RPUSD2: variants seen among roughly 807,000 people sequenced by gnomAD.
The protein encoded by RPUSD2 is RNA pseudouridine synthase domain containing 2, also known as pseudouridylate synthase RPUSD2.
RPUSD2 carries 31 observed loss-of-function variants against 41.5 expected under a neutral mutation model. The observed-to-expected ratio is 0.75, with a 90% CI of 0.56 to 1.01. The LOEUF is 1.01. Ranked by LOEUF, RPUSD2 falls within the 50% of genes least tolerant of loss-of-function variation. RPUSD2 has a pLI of 0.00. For missense variants in RPUSD2, 749 were observed against 724.7 expected, an observed-to-expected ratio of 1.03 and a Z score of -0.38; for synonymous variants, 305 against 289.7, an observed-to-expected ratio of 1.05 and a Z score of -0.54.
At position 40,573,840 on chromosome 15, in the gene RPUSD2, A is replaced by G; in HGVS notation, c.1217A>G (p.Lys406Arg). The G allele has an allele frequency of 6.2e-7, 1 of 1,614,164 alleles. No individual in the cohort carries two copies. Residue 406 changes from lysine (K) to arginine (R), a missense_variant, in exon 3 of 3, where the codon AAG becomes AGG. Physicochemically the swap from Lys to Arg is conservative, Grantham distance 26. Transcript: ENST00000315616. ...CGAGGCCGGGGCGGCTACATTCCCA[A>G]GACAAACGAGGAGTTGCTACGGGAC... ...PSRGRGGYIP[K>R]TNEELLRDLV...
chr15:40,572,695 G>A (rs573744755), intron 2 of RPUSD2, among the ~76,000 whole-genome samples: 63 of 152,142 alleles, frequency 4.1e-4, no homozygotes, highest in Middle Eastern at 6.3e-3. Flanking sequence ...GCATGTCACT[G>A]CGTTCCAGCC....
At chr15:40,571,984 T>C (rs988100405) in intron 2 of RPUSD2, 84 bp downstream of exon 2, 11 of 1,396,248 alleles carry the variant, frequency 7.9e-6, no homozygotes, top group Non-Finnish European at 1.1e-5. Flanking sequence ...AGTTCCGAAG[T>C]GGTCCTTCAT....
Position 40,569,500 on chromosome 15 carries a change from CA to C in RPUSD2, c.167del (p.Asn56ThrfsTer29). On this transcript the variant is annotated frameshift_variant, in exon 1 of 3. Transcript: ENST00000315616. LOFTEE classifies it high-confidence loss of function. ...TEGGLRASHQ[Q>X]NGDAGGDAKV... ...GGGCGGGCTGAGGGCTTCGCATCAGCAAAACGGTGACGCTGGTGGCGACGCG... is the reference window on the plus strand; with the variant it reads ...GGGCGGGCTGAGGGCTTCGCATCAGCAAACGGTGACGCTGGTGGCGACGCG... 1.3e-6 allele frequency: 2 copies of C among 1,553,712 alleles called. No individual in the cohort carries two copies. The highest frequency in any genetic ancestry group is 1.7e-6 in the Non-Finnish European group (2 of 1,155,168).
intron 1 of RPUSD2, 86 bp from the exon 2 acceptor site, chr15:40,571,518 A>T: frequency 2.4e-6 from 3 of 1,245,092 alleles, no homozygotes. Flanking sequence ...TTTCCATGTC[A>T]GTGAGGAACA....
chr15:40,569,622 C>T lies in RPUSD2; in HGVS notation c.285C>T (p.Gly95=). 6.5e-7 allele frequency: 1 copy of T among 1,537,966 alleles called. No homozygotes were observed. The highest frequency in any genetic ancestry group is 8.8e-7 in the Non-Finnish European group (1 of 1,140,790). Residue 95 remains glycine (G), a synonymous_variant, in exon 1 of 3, where the codon GGC becomes GGT. Coordinates refer to ENST00000315616, the MANE Select transcript of RPUSD2 (RefSeq NM_152260.3). ...AGCATCCCTCGGCTGCAGCCCCAGG[C>T]CCGGGCAAGCATAAGAAGCGGCGGG... is the stretch of plus-strand genomic sequence containing the variant. ...GGEHPSAAAP[G]PGKHKKRRGA... is the part of the protein sequence containing the mutation.
Sources: gnomAD v4.1 joint callset for allele counts (sites outside exome capture counted in the v4.1 genomes callset) on GRCh38, gnomAD v4.1.1 for gene constraint, MANE v1.5 for transcripts, NCBI Gene and HGNC (gene_info 2026-07-23, HGNC 2026-07-21) for gene names.